The following CACNA1C variants were observed in gnomAD, a reference collection of about 807,000 sequenced individuals.
CACNA1C encodes the protein voltage-dependent L-type calcium channel subunit alpha-1C.
Under a neutral mutation model 229.0 loss-of-function variants are expected in CACNA1C, and 30 were observed. That is an observed-to-expected ratio of 0.13 (90% CI 0.10 to 0.18). The LOEUF is 0.18. CACNA1C is among the 10% of genes least tolerant of loss of function. The pLI, the probability that CACNA1C is intolerant of heterozygous loss-of-function variation, is 1.00. For synonymous variants in CACNA1C, 1,114 were observed against 1,132.5 expected (o/e 0.98, Z 0.33); for missense variants, 1,658 against 2,845.0 (o/e 0.58, Z 9.49).
At chr12:2,478,561 A>G (rs2099643338) in intron 5 of CACNA1C, among the ~76,000 whole-genome samples, 1 of 152,240 alleles carries the variant, frequency 6.6e-6, no homozygotes, top group Non-Finnish European at 1.5e-5. Flanking sequence ...CACACTTCAA[A>G]TAACAATGGC....
At chr12:2,147,460 T>TACCAA (rs1353992269) in intron 3 of CACNA1C, among the ~76,000 whole-genome samples, 1 of 151,312 alleles carries the variant, frequency 6.6e-6, no homozygotes, top group Non-Finnish European at 1.5e-5. Flanking sequence ...TCTAGCTTTA[T>TACCAA]TGGTATTGGG....
intron 1 of CACNA1C, among the ~76,000 whole-genome samples, chr12:2,075,215 T>G (rs1304965574): frequency 6.6e-6 from 1 of 152,204 alleles, no homozygotes; most frequent in Non-Finnish European, 1.5e-5. Flanking sequence ...GAGGCCATTC[T>G]GAAGACAAAT....
At chr12:2,459,491 G>A (rs2099484358) in intron 5 of CACNA1C, among the ~76,000 whole-genome samples, 1 of 152,280 alleles carries the variant, frequency 6.6e-6, no homozygotes, top group Non-Finnish European at 1.5e-5. Context: ...CCTGGGCAAA[G>A]CTTGTGGCCT....
intron 1 of CACNA1C, among the ~76,000 whole-genome samples, chr12:1,984,227 G>A (rs1020378154): frequency 5.3e-5 from 8 of 151,926 alleles, no homozygotes; most frequent in South Asian, 2.1e-4. Flanking sequence ...TACATGTAAC[G>A]TAACTACCGA....
Position 2,369,746 on chromosome 12 carries a change from G to A in CACNA1C, c.478-79230G>A, listed in dbSNP as rs551474477. Among the ~76,000 whole-genome samples the A allele has an allele frequency of 3.0e-3, 452 of 152,164 alleles. 2 individuals carry two copies. Among genetic ancestry groups the A allele is most frequent in the African/African-American group, 0.01 (424 of 41,516 alleles). ...CATTTAGACAAAGCAAATTACAGGT[G>A]GATTCAAATAGTTAAATGAAAGAAA... On this transcript the variant is annotated intron_variant, in intron 3 of 46. Transcript: ENST00000399655.
rs945860136 is a variant in CACNA1C at position 2,319,626 on chromosome 12, G to A, written c.478-129350G>A. 1.3e-5 allele frequency among the ~76,000 whole-genome samples: 2 copies of A among 152,080 alleles called. No homozygotes were observed. The highest frequency in any genetic ancestry group is 2.9e-5 in the Non-Finnish European group (2 of 67,990). On this transcript the variant is annotated intron_variant, in intron 3 of 46. Transcript: ENST00000399655. This position sits in a 1 kb window ranked among gnomAD's most constrained non-coding sequence, Gnocchi z 4.0. ...TTCTGGAGGTCTCCACACACCCTCC[G>A]GGCAGACCTCATCTTCTTCAGACAT...
chr12:2,635,202 C>G (rs147071291), intron 30 of CACNA1C, among the ~76,000 whole-genome samples: 4 of 152,124 alleles, frequency 2.6e-5, no homozygotes, highest in Non-Finnish European at 4.4e-5. Context: ...CTCTGGCTCC[C>G]GAGCCTCAGA....
Position 2,054,576 on chromosome 12 carries a change from T to C in CACNA1C, c.49+965T>C, listed in dbSNP as rs1011354588. Among the ~76,000 whole-genome samples, 20 of 152,188 alleles carry C rather than the reference T, an allele frequency of 1.3e-4. No homozygotes were observed. Among genetic ancestry groups the C allele is most frequent in the African/African-American group, 4.6e-4 (19 of 41,526 alleles). ...CTGGAAACTTTCTCCCTCACCGCTC[T>C]CCCCCCATATTAACAAGTTGTTTTC... On this transcript the variant is annotated intron_variant, in intron 1 of 46. Coordinates refer to ENST00000399655, the MANE Select transcript of CACNA1C (RefSeq NM_000719.7). The surrounding 1 kb of genome is among the most constrained non-coding windows in gnomAD (Gnocchi z 5.5).
intron 1 of CACNA1C, among the ~76,000 whole-genome samples, chr12:1,980,429 C>T (rs61908032): frequency 0.022 from 3,387 of 152,062 alleles, 41 homozygotes; most frequent in Middle Eastern, 0.061. Context: ...GTTGGCTTGT[C>T]TTTCTGTTGT....
At chr12:2,272,933 C>T (rs1263899208) in intron 3 of CACNA1C, among the ~76,000 whole-genome samples, 2 of 152,234 alleles carry the variant, frequency 1.3e-5, no homozygotes, top group African/African-American at 4.8e-5. Flanking sequence ...AAAGAAACTG[C>T]TCATATTACA....
At chr12:1,985,616 T>C (rs1247011259) in intron 1 of CACNA1C, among the ~76,000 whole-genome samples, 1 of 152,220 alleles carries the variant, frequency 6.6e-6, no homozygotes, top group African/African-American at 2.4e-5. Context: ...CCTTGACAGT[T>C]TGGCATATTT....
chr12:2,109,160 C>A (rs2080540170), intron 1 of CACNA1C, among the ~76,000 whole-genome samples: 1 of 152,192 alleles, frequency 6.6e-6, no homozygotes, highest in South Asian at 2.1e-4. Flanking sequence ...GCACCAAGGC[C>A]AAGCAGGGTG....
At chr12:2,300,107 G>A (rs1284261939) in intron 3 of CACNA1C, among the ~76,000 whole-genome samples, 1 of 152,224 alleles carries the variant, frequency 6.6e-6, no homozygotes, top group South Asian at 2.1e-4. Flanking sequence ...GCTAGTGGGG[G>A]TAAATTGGTT....
chr12:2,151,588 C>T lies in CACNA1C; in HGVS notation c.477+31158C>T, dbSNP rs2238040. Among the ~76,000 whole-genome samples the T allele has an allele frequency of 7.0e-4, 106 of 152,260 alleles. No individual in the cohort carries two copies. In the East Asian group the frequency reaches 7.7e-3, roughly 11 times the overall value. On this transcript the variant is annotated intron_variant, in intron 3 of 46. Coordinates refer to ENST00000399655, the MANE Select transcript of CACNA1C (RefSeq NM_000719.7). ...AGGCATCTGGCTGGGAGGCTGGGTA[C>T]GTCTCAGAGAATAAGCGCTTGTCAT...
chr12:2,612,379 A>T, intron 29 of CACNA1C: 1 of 177,320 alleles, frequency 5.6e-6, no homozygotes, highest in Admixed American at 5.8e-5. Flanking sequence ...TGGCAGACCA[A>T]ACCTCTCCAG....
At chr12:2,638,550 C>A (rs2093198653) in intron 30 of CACNA1C, among the ~76,000 whole-genome samples, 1 of 152,130 alleles carries the variant, frequency 6.6e-6, no homozygotes, top group South Asian at 2.1e-4. Context: ...CTCTGGCTGG[C>A]TGTAGGAGTC....
Position 2,677,173 on chromosome 12 carries a change from G to A in CACNA1C, c.4908G>A (p.Glu1636=), listed in dbSNP as rs1226585413. 1 of 1,613,864 alleles carries A rather than the reference G, an allele frequency of 6.2e-7. No individual in the cohort carries two copies. The highest frequency in any genetic ancestry group is 1.1e-5 in the South Asian group (1 of 90,996). The change falls in exon 40 of 47, where the codon GAG becomes GAA. Residue 1636 remains glutamate (E), a synonymous_variant. Transcript: ENST00000399655. The surrounding 1 kb of genome is among the most constrained non-coding windows in gnomAD (Gnocchi z 7.4). The part of the protein sequence containing the change: ...EYFRKFKKRK[E]QGLVGKPSQR... ...TCCGGAAGTTCAAGAAGCGCAAAGA[G>A]CAGGGCCTTGTGGGCAAGCCCTCCC...
At chr12:2,391,702 T>C (rs1384521330) in intron 3 of CACNA1C, among the ~76,000 whole-genome samples, 2 of 152,176 alleles carry the variant, frequency 1.3e-5, no homozygotes, top group African/African-American at 4.8e-5. Context: ...TAATTGAAAG[T>C]ATTTCTTTTC....
chr12:2,211,093 G>A (rs1002055443), intron 3 of CACNA1C, among the ~76,000 whole-genome samples: 6 of 152,306 alleles, frequency 3.9e-5, no homozygotes, highest in African/African-American at 1.4e-4. Context: ...TGTGGTCAAG[G>A]AAGGCCCTAC....
Sources: gnomAD v4.1 joint callset for allele counts (sites outside exome capture counted in the v4.1 genomes callset) on GRCh38, gnomAD v4.1.1 for gene constraint, Gnocchi (gnomAD v3.1) non-coding constraint, MANE v1.5 for transcripts, NCBI Gene and HGNC (gene_info 2026-07-23, HGNC 2026-07-21) for gene names.